PJA1: variants seen among roughly 807,000 people sequenced by gnomAD.
PJA1 encodes praja ring finger ubiquitin ligase 1, also known as E3 ubiquitin-protein ligase Praja-1.
A neutral mutation model predicts 14.1 loss-of-function variants in PJA1; 5 were observed. That is an observed-to-expected ratio of 0.35 (90% CI 0.18 to 0.74). PJA1 has a LOEUF of 0.74. Ranked by LOEUF, PJA1 falls within the 30% of genes least tolerant of loss-of-function variation. The probability of loss-of-function intolerance (pLI) is 0.56; values close to 1 mark genes in which losing one functional copy is unlikely to be tolerated. For missense variants in PJA1, 394 were observed against 482.6 expected (o/e 0.82, Z 1.72); for synonymous variants, 174 against 190.9 (o/e 0.91, Z 0.73).
At chrX:69,163,268 G>A (rs2147308139) in intron 1 of PJA1, 128 bp from the exon 2 acceptor site, 1 of 1,180,466 alleles carries the variant, frequency 8.5e-7, no homozygotes, top group East Asian at 3.0e-5. Context: ...TTCCAATACA[G>A]CTGGGGCTCG....
At position 69,162,400 on chromosome X, in the gene PJA1, T is replaced by A. The variant is rs1198021565; in HGVS notation, c.674A>T (p.Asp225Val). 4 of 1,208,784 alleles carry A rather than the reference T, an allele frequency of 3.3e-6. No homozygotes were observed. Among genetic ancestry groups the A allele is most frequent in the Non-Finnish European group, 4.5e-6 (4 of 895,017 alleles). ...KPKIFFDTDDDDDMPHSTSRW... is the reference protein window; with the variant it reads ...KPKIFFDTDDVDDMPHSTSRW... ...GGAAGTACTGTGTGGCATATCGTCA[T>A]CATCATCAGTATCAAAAAAAATTTT... The change falls in exon 2 of 2, where the codon GAT (aspartate) becomes GTT (valine). Residue 225 changes from aspartate (D) to valine (V), a missense_variant. Physicochemically the swap from Asp to Val is radical, Grantham distance 152 (BLOSUM62 -3). Transcript: ENST00000374571.
intron 1 of PJA1, among the ~76,000 whole-genome samples, chrX:69,163,887 G>A (rs978303095): frequency 3.6e-5 from 4 of 110,401 alleles, no homozygotes; most frequent in African/African-American, 1.3e-4. Flanking sequence ...AGGCATGGGT[G>A]GGGTGGCTTT....
Position 69,163,056 on chromosome X carries a change from G to A in PJA1, c.18C>T (p.Pro6=), listed in dbSNP as rs1193493527. ...ATCGGCTCCTCTTGGTGGTTTGACT[G>A]GGGGCTGATCTGTGCATTGGGACTT... MHRSA[P]SQTTKRSRSP... is the part of the protein sequence containing the mutation. Residue 6 remains proline, a synonymous_variant, in exon 2 of 2, where the codon CCC becomes CCT. Coordinates refer to ENST00000374571, the MANE Select transcript of PJA1 (RefSeq NM_001032396.4). 8.3e-7 allele frequency: 1 copy of A among 1,211,419 alleles called. No homozygotes were observed. The highest frequency in any genetic ancestry group is 1.1e-6 in the Non-Finnish European group (1 of 895,506).
At chrX:69,163,749 C>A (rs1291659529) in intron 1 of PJA1, among the ~76,000 whole-genome samples, 2 of 111,181 alleles carry the variant, frequency 1.8e-5, no homozygotes, top group Admixed American at 1.9e-4. Flanking sequence ...ATGTGTCTGT[C>A]TATCAAGAGG....
chrX:69,162,892 C>T lies in PJA1; in HGVS notation c.182G>A (p.Gly61Glu). ...ASGSRRGMAY[G>E]HIDSYGADDS... ...ATCTGCCCCATAAGAGTCAATATGT[C>T]CATAGGCCATTCCTCTTCTGCTACC... is the stretch of plus-strand genomic sequence containing the variant. Residue 61 changes from glycine to glutamate, a missense_variant, in exon 2 of 2, where the codon GGA (glycine) becomes GAA (glutamate). Around this residue, in one of 2 missense-constraint regions of PJA1, gnomAD observed 378 missense variants for 439.3 expected, o/e 0.86. Coordinates refer to ENST00000374571, the MANE Select transcript of PJA1 (RefSeq NM_001032396.4). 1 of 1,211,656 alleles carries T rather than the reference C, an allele frequency of 8.3e-7. No homozygotes were observed. Among genetic ancestry groups the T allele is most frequent in the Non-Finnish European group, 1.1e-6 (1 of 895,573 alleles).
rs143753711 is a variant in PJA1 at position 69,161,796 on chromosome X, G to C, written c.1278C>G (p.His426Gln). Reference sequence around the variant, plus strand: ...TGAATACCCCAGGTTGCATCAACTCGTGACCAGAATCATTATCCCCCTCAC... The same window carrying C: ...TGAATACCCCAGGTTGCATCAACTCCTGACCAGAATCATTATCCCCCTCAC... ...SSSEGDNDSG[H>Q]ELMQPGVFML... Residue 426 changes from histidine (H) to glutamine (Q), a missense_variant, in exon 2 of 2, where the codon CAC (histidine) becomes CAG (glutamine). Coordinates refer to ENST00000374571, the MANE Select transcript of PJA1 (RefSeq NM_001032396.4). 17 of 1,209,560 alleles carry C rather than the reference G, an allele frequency of 1.4e-5. No individual in the cohort carries two copies. The African/African-American group carries it at 2.3e-4, about 16-fold the overall frequency.
At chrX:69,163,584 G>A in intron 1 of PJA1, 1 of 224,274 alleles carries the variant, frequency 4.5e-6, no homozygotes, top group Non-Finnish European at 8.5e-6. Flanking sequence ...GAAGGTGGGT[G>A]AAGTACTGTG....
intron 1 of PJA1, 53 bp from the exon 2 acceptor site, chrX:69,163,193 C>T: frequency 1.7e-6 from 2 of 1,210,916 alleles, no homozygotes; most frequent in Non-Finnish European, 2.2e-6. Flanking sequence ...GACTGATACC[C>T]TCCTGTTGGA....
intron 1 of PJA1, among the ~76,000 whole-genome samples, chrX:69,165,090 C>T (rs943823199): frequency 1.8e-5 from 2 of 111,078 alleles, no homozygotes; most frequent in African/African-American, 6.5e-5. Context: ...CACTGCCCTC[C>T]CAATAGCGAT....
intron 1 of PJA1, chrX:69,163,550 G>A (rs1925145945): frequency 3.7e-6 from 1 of 266,740 alleles, no homozygotes; most frequent in Non-Finnish European, 6.9e-6. Context: ...TCTGACGGAA[G>A]GTTGGGGGGT....
rs1443917572 is a variant in PJA1 at position 69,165,357 on chromosome X, C to G, written c.-68+15G>C. 1 of 112,955 alleles carries G rather than the reference C, an allele frequency of 8.9e-6. No homozygotes were observed. The highest frequency in any genetic ancestry group is 3.2e-5 in the African/African-American group (1 of 31,125). 9.3% of individuals were successfully genotyped at this position (112,955 alleles called of 1,213,427 possible). ...CGCCCGGATGAATCGAGGAAACAAT[C>G]AGCCTTTCACTCACCAAGTCCAGAA... On this transcript the variant is annotated intron_variant, in intron 1 of 1. Transcript: ENST00000374571.
rs146361461 is a variant in PJA1, at chrX:69,161,580, C to A, written c.1494G>T (p.Ala498=). Residue 498 remains alanine, a synonymous_variant, in exon 2 of 2, where the codon GCG becomes GCT. Transcript: ENST00000374571. ...RLAQAMETAL[A]HLESLAVDVE... ...CATCCACTGCGAGAGACTCCAAGTG[C>A]GCAAGGGCAGTTTCCATTGCCTGGG... 2 of 1,211,715 alleles carry A rather than the reference C, an allele frequency of 1.7e-6. No individual in the cohort carries two copies. The highest frequency in any genetic ancestry group is 3.5e-5 in the South Asian group (2 of 56,967).
rs745524347 is a variant in PJA1, at chrX:69,161,951, C to G, written c.1123G>C (p.Gly375Arg). 1 of 1,207,422 alleles carries G rather than the reference C, an allele frequency of 8.3e-7. No homozygotes were observed. The highest frequency in any genetic ancestry group is 1.8e-5 in the African/African-American group (1 of 56,513). Reference sequence around the variant, plus strand: ...CTGCCATTGCTGCCAGCACTGGCCCCGGCGCCAGCCCCGGCACTGGCACTA... The same window carrying G: ...CTGCCATTGCTGCCAGCACTGGCCCGGGCGCCAGCCCCGGCACTGGCACTA... Reference protein sequence around the residue: ...GASASAGAGAGASAGSNGSNY... With the variant: ...GASASAGAGARASAGSNGSNY... Residue 375 changes from glycine (G) to arginine (R), a missense_variant, in exon 2 of 2, where the codon GGG becomes CGG. Gly to Arg is a moderately radical substitution (Grantham distance 125). Transcript: ENST00000374571.
chrX:69,162,549 A>G lies in PJA1; in HGVS notation c.525T>C (p.Pro175=), dbSNP rs1925097785. The G allele has an allele frequency of 3.3e-6, 4 of 1,211,622 alleles. No individual in the cohort carries two copies. Among genetic ancestry groups the G allele is most frequent in the Non-Finnish European group, 4.5e-6 (4 of 895,520 alleles). ...SERERREQNL[P]ARPSRAPVSI... ...TCACAGGAGCCCTGCTGGGACGTGC[A>G]GGTAAATTTTGCTCCCTTCTCTCCC... The change falls in exon 2 of 2, where the codon CCT becomes CCC. Residue 175 remains proline, a synonymous_variant. Transcript: ENST00000374571.
chrX:69,163,787 A>G (rs1925158933), intron 1 of PJA1, among the ~76,000 whole-genome samples: 1 of 111,227 alleles, frequency 9.0e-6, no homozygotes, highest in Non-Finnish European at 1.9e-5. Flanking sequence ...GGGACCAGTA[A>G]TCCTGCAACA....
Position 69,163,104 on chromosome X carries a change from G to A in PJA1, c.-31C>T. ...CTTCGGAGTTCGTCTTTCTCTGGCT[G>A]GCAATCCTTTCCCGCTGGCTCGTGG... On this transcript the variant is annotated 5_prime_UTR_variant, in exon 2 of 2. Coordinates refer to ENST00000374571, the MANE Select transcript of PJA1 (RefSeq NM_001032396.4). 8.3e-7 allele frequency: 1 copy of A among 1,211,440 alleles called. No homozygotes were observed. Among genetic ancestry groups the A allele is most frequent in the Non-Finnish European group, 1.1e-6 (1 of 895,498 alleles).
Position 69,161,778 on chromosome X carries a change from C to T in PJA1, c.1296G>A (p.Gly432=), listed in dbSNP as rs746559807. 8.3e-7 allele frequency: 1 copy of T among 1,209,544 alleles called. No homozygotes were observed. The highest frequency in any genetic ancestry group is 1.8e-5 in the African/African-American group (1 of 57,015). Residue 432 remains glycine (G), a synonymous_variant, in exon 2 of 2, where the codon GGG becomes GGA. Transcript: ENST00000374571. Reference sequence around the variant, plus strand: ...TGTTGTTTCCATCCAGCATGAATACCCCAGGTTGCATCAACTCGTGACCAG... The same window carrying T: ...TGTTGTTTCCATCCAGCATGAATACTCCAGGTTGCATCAACTCGTGACCAG... The part of the protein sequence containing the change: ...NDSGHELMQP[G]VFMLDGNNNL...
Position 69,162,741 on chromosome X carries a change from T to C in PJA1, c.333A>G (p.Pro111=). 8.3e-7 allele frequency: 1 copy of C among 1,209,215 alleles called. No homozygotes were observed. The highest frequency in any genetic ancestry group is 1.1e-6 in the Non-Finnish European group (1 of 894,216). ...KGARSLAGPP[P]HFSSFSRDVR... is the part of the protein sequence containing the mutation. ...CATCACGGCTAAAACTAGAGAAATG[T>C]GGAGGTGGCCCAGCCAAAGACCTTG... is the stretch of plus-strand genomic sequence containing the variant. Residue 111 remains proline, a synonymous_variant, in exon 2 of 2, where the codon CCA becomes CCG. Transcript: ENST00000374571.
intron 1 of PJA1, chrX:69,163,639 T>A (rs1374327019): frequency 6.6e-6 from 1 of 152,527 alleles, no homozygotes; most frequent in Non-Finnish European, 1.4e-5. Context: ...TAGTTTTTTT[T>A]ATGGGGTGTC....
Sources: allele counts gnomAD v4.1 joint callset (sites outside exome capture counted in the v4.1 genomes callset), GRCh38; gene constraint gnomAD v4.1.1; regional missense constraint gnomAD v4.1.1; transcripts MANE v1.5; gene names NCBI Gene and HGNC (gene_info 2026-07-23, HGNC 2026-07-21).